Variants in NRG3 observed in about 807,000 individuals in gnomAD.
NRG3 encodes the protein neuregulin 3, also known as pro-neuregulin-3, membrane-bound isoform.
NRG3 carries 31 observed loss-of-function variants against 66.9 expected under a neutral mutation model. The observed-to-expected ratio is 0.46, with a 90% CI of 0.35 to 0.63. NRG3 has a LOEUF of 0.63. Ranked by LOEUF, NRG3 falls within the 20% of genes least tolerant of loss-of-function variation. The pLI, the probability that NRG3 is intolerant of heterozygous loss-of-function variation, is 0.00. For synonymous variants in NRG3, 393 were observed against 359.4 expected (o/e 1.09, Z -1.06); for missense variants, 910 against 878.9 (o/e 1.04, Z -0.45).
At chr10:82,126,680 A>G (rs1165876181) in intron 1 of NRG3, among the ~76,000 whole-genome samples, 1 of 152,024 alleles carries the variant, frequency 6.6e-6, no homozygotes, top group South Asian at 2.1e-4. Context: ...CTCTCTACAC[A>G]TTCATGTTTC....
At chr10:82,177,821 G>T (rs1429261566) in intron 1 of NRG3, among the ~76,000 whole-genome samples, 2 of 152,122 alleles carry the variant, frequency 1.3e-5, no homozygotes, top group African/African-American at 4.8e-5. Context: ...GATTAATTCA[G>T]TCTACCAAGA....
chr10:82,834,092 C>T (rs2062662049), intron 3 of NRG3, among the ~76,000 whole-genome samples: 1 of 152,166 alleles, frequency 6.6e-6, no homozygotes, highest in African/African-American at 2.4e-5. Flanking sequence ...AGGCCCAGAT[C>T]ATCAATTATT....
chr10:82,737,412 A>G (rs1325259819), intron 2 of NRG3, among the ~76,000 whole-genome samples: 1 of 152,326 alleles, frequency 6.6e-6, no homozygotes. Flanking sequence ...CACTCAGAAA[A>G]CAAAGCATAT....
At chr10:82,797,244 C>A (rs2135411089) in intron 3 of NRG3, among the ~76,000 whole-genome samples, 1 of 152,290 alleles carries the variant, frequency 6.6e-6, no homozygotes, top group East Asian at 1.9e-4. Flanking sequence ...TCATCACTGC[C>A]ATAGAAATGG....
chr10:82,177,074 C>G (rs906234556), intron 1 of NRG3, among the ~76,000 whole-genome samples: 2 of 151,972 alleles, frequency 1.3e-5, no homozygotes, highest in Admixed American at 1.3e-4. Context: ...TTATCTACCT[C>G]TCCGGGTTGT....
At chr10:82,752,657 A>T (rs191871386) in intron 3 of NRG3, among the ~76,000 whole-genome samples, 1 of 152,332 alleles carries the variant, frequency 6.6e-6, no homozygotes, top group African/African-American at 2.4e-5. Context: ...GTTGAAACAT[A>T]ATTACCAATG....
At chr10:82,148,548 C>T (rs1049305339) in intron 1 of NRG3, among the ~76,000 whole-genome samples, 10 of 151,836 alleles carry the variant, frequency 6.6e-5, no homozygotes, top group Admixed American at 2.6e-4. Flanking sequence ...GTTTTCTTTG[C>T]ATTTAGGACA....
chr10:82,405,168 C>T (rs1339689805), intron 2 of NRG3, among the ~76,000 whole-genome samples: 1 of 152,062 alleles, frequency 6.6e-6, no homozygotes, highest in African/African-American at 2.4e-5. Context: ...CGAACGAGGC[C>T]TCTCTTGGCA....
At chr10:82,469,577 C>A (rs1841033074) in intron 2 of NRG3, among the ~76,000 whole-genome samples, 1 of 152,030 alleles carries the variant, frequency 6.6e-6, no homozygotes, top group Non-Finnish European at 1.5e-5. Context: ...CATGGCTAGG[C>A]CATGGTGGCT....
intron 1 of NRG3, among the ~76,000 whole-genome samples, chr10:81,927,491 A>G (rs567698885): frequency 1.6e-4 from 24 of 152,204 alleles, no homozygotes; most frequent in Non-Finnish European, 3.1e-4. Flanking sequence ...TTGGGTTGCT[A>G]TTAATTAATG....
chr10:82,150,528 C>CAAAAAAAAAAAAAAAAAAAAAAAAGAAA (rs1264827514), intron 1 of NRG3, among the ~76,000 whole-genome samples: 4 of 51,736 alleles, frequency 7.7e-5, no homozygotes, highest in Non-Finnish European at 1.1e-4. Context: ...AAAGAGCACA[C>CAAAAAAAAAAAAAAAAAAAAAAAAGAAA]ACAAAAAAAA....
intron 2 of NRG3, among the ~76,000 whole-genome samples, chr10:82,564,912 T>G (rs1288220464): frequency 1.3e-5 from 2 of 152,142 alleles, no homozygotes; most frequent in Admixed American, 1.3e-4. Context: ...TCTTTTAATC[T>G]TGACAAAAGT....
chr10:82,916,939 A>G (rs1845893464), intron 4 of NRG3, among the ~76,000 whole-genome samples: 1 of 152,164 alleles, frequency 6.6e-6, no homozygotes, highest in South Asian at 2.1e-4. Flanking sequence ...ATGCCCTCTA[A>G]ATCATAAAAA....
intron 1 of NRG3, among the ~76,000 whole-genome samples, chr10:82,055,871 T>TGAAATGCA: frequency 6.6e-6 from 1 of 152,196 alleles, no homozygotes; most frequent in Non-Finnish European, 1.5e-5. Flanking sequence ...GATTAAGGAG[T>TGAAATGCA]GAAATGCATG....
intron 6 of NRG3, among the ~76,000 whole-genome samples, chr10:82,969,510 T>C (rs1464298163): frequency 6.6e-6 from 1 of 152,232 alleles, no homozygotes; most frequent in Non-Finnish European, 1.5e-5. Context: ...CTGTACCTTC[T>C]CTTTGTTCTC....
intron 1 of NRG3, among the ~76,000 whole-genome samples, chr10:82,009,328 CT>C (rs968198204): frequency 1.3e-5 from 2 of 152,108 alleles, no homozygotes; most frequent in Non-Finnish European, 2.9e-5. Context: ...GCTTTGTAAC[CT>C]TTTCCTGAAT....
chr10:82,571,074 C>T (rs1230335495), intron 2 of NRG3, among the ~76,000 whole-genome samples: 1 of 151,464 alleles, frequency 6.6e-6, no homozygotes, highest in Non-Finnish European at 1.5e-5. Context: ...TGTTTCCATA[C>T]ATAGGTATAT....
At chr10:82,693,656 C>T (rs1272392567) in intron 2 of NRG3, among the ~76,000 whole-genome samples, 4 of 152,144 alleles carry the variant, frequency 2.6e-5, no homozygotes, top group Admixed American at 6.5e-5. Flanking sequence ...TTCTTGGTCT[C>T]GCTGACTTCA....
intron 1 of NRG3, among the ~76,000 whole-genome samples, chr10:82,222,310 C>A (rs904222316): frequency 6.6e-6 from 1 of 151,812 alleles, no homozygotes; most frequent in African/African-American, 2.4e-5. Context: ...AGAACAATTT[C>A]TTAAATAAAT....
Sources: gnomAD v4.1 joint callset for allele counts (sites outside exome capture counted in the v4.1 genomes callset) on GRCh38, gnomAD v4.1.1 for gene constraint, MANE v1.5 for transcripts, NCBI Gene and HGNC (gene_info 2026-07-23, HGNC 2026-07-21) for gene names.